The following ANK1 variants were observed in gnomAD, a reference collection of about 807,000 sequenced individuals.
The protein encoded by ANK1 is ankyrin 1.
Under a neutral mutation model 210.4 loss-of-function variants are expected in ANK1, and 51 were observed. That is an observed-to-expected ratio of 0.24 (90% CI 0.19 to 0.31). ANK1 has a LOEUF of 0.31. Among genes scored for constraint, ANK1 ranks in the 10% least tolerant of loss-of-function variants. The probability of loss-of-function intolerance (pLI) is 1.00; values close to 1 mark genes in which losing one functional copy is unlikely to be tolerated. For synonymous variants in ANK1, 967 were observed against 1,025.9 expected, an observed-to-expected ratio of 0.94 and a Z score of 1.10; for missense variants, 2,051 against 2,504.4, an observed-to-expected ratio of 0.82 and a Z score of 3.86.
At chr8:41,773,294 A>G (rs1340330048) in intron 1 of ANK1, among the ~76,000 whole-genome samples, 1 of 152,084 alleles carries the variant, frequency 6.6e-6, no homozygotes, top group African/African-American at 2.4e-5. Context: ...AATCTCCATC[A>G]TGTTCTTTTT....
chr8:41,779,657 C>T (rs1366792595), intron 1 of ANK1, among the ~76,000 whole-genome samples: 1 of 152,190 alleles, frequency 6.6e-6, no homozygotes, highest in Non-Finnish European at 1.5e-5. Context: ...GTGCTGGGCA[C>T]TGCTCTAAGC....
chr8:41,724,356 A>C (rs1282280412), intron 7 of ANK1, 100 bp downstream of exon 7: 4 of 1,044,756 alleles, frequency 3.8e-6, no homozygotes, highest in South Asian at 1.4e-5. Context: ...TTTAACCCAC[A>C]GGCACTTCTG....
intron 1 of ANK1, among the ~76,000 whole-genome samples, chr8:41,807,888 G>A (rs1851196111): frequency 6.7e-6 from 1 of 149,098 alleles, no homozygotes; most frequent in Admixed American, 6.7e-5. Context: ...AAGAGGAGGA[G>A]GAGAGGAGAA....
intron 1 of ANK1, among the ~76,000 whole-genome samples, chr8:41,805,153 CTCTTTCTCTCTCTCTCTTTCTTTCTT>C (rs1850750356): frequency 6.8e-6 from 1 of 147,406 alleles, no homozygotes; most frequent in South Asian, 2.1e-4. Flanking sequence ...TCTCATAGAG[CTCTTTCTCTCTCTCTCTTTCTTTCTT>C]TCTTTCTCTC....
intron 38 of ANK1, among the ~76,000 whole-genome samples, chr8:41,672,081 G>A (rs544606390): frequency 2.1e-4 from 32 of 151,816 alleles, no homozygotes; most frequent in Non-Finnish European, 3.8e-4. Flanking sequence ...GAGCCCTCCC[G>A]GCGCCCATAT....
chr8:41,664,329 C>T (rs1809623056), intron 39 of ANK1: 1 of 369,882 alleles, frequency 2.7e-6, no homozygotes, highest in Non-Finnish European at 5.3e-6. Flanking sequence ...TTAAAATAGC[C>T]AGGCATGGTG....
At chr8:41,816,493 C>T (rs944776599) in intron 1 of ANK1, among the ~76,000 whole-genome samples, 3 of 152,134 alleles carry the variant, frequency 2.0e-5, no homozygotes, top group African/African-American at 7.2e-5. Flanking sequence ...GGCTGGAGTG[C>T]AGTGGTGCAA....
intron 38 of ANK1, among the ~76,000 whole-genome samples, chr8:41,669,632 C>A (rs1339484378): frequency 6.6e-6 from 1 of 152,130 alleles, no homozygotes; most frequent in Admixed American, 6.5e-5. Flanking sequence ...GTGGGCAGGT[C>A]GAGGACACCA....
At chr8:41,785,949 G>A (rs774796501) in intron 1 of ANK1, among the ~76,000 whole-genome samples, 1 of 152,144 alleles carries the variant, frequency 6.6e-6, no homozygotes, top group Non-Finnish European at 1.5e-5. Flanking sequence ...GGTACTCTCC[G>A]CCTGGGAACC....
upstream of ANK1, among the ~76,000 whole-genome samples, chr8:41,799,294 C>T (rs112792439): frequency 2.0e-5 from 3 of 152,326 alleles, no homozygotes; most frequent in African/African-American, 7.2e-5. Flanking sequence ...CTTGGCAACA[C>T]ATACTGGGCC....
At chr8:41,671,075 A>G (rs1812099049) in intron 38 of ANK1, among the ~76,000 whole-genome samples, 1 of 152,212 alleles carries the variant, frequency 6.6e-6, no homozygotes, top group Admixed American at 6.5e-5. Context: ...GAGAGCTCCA[A>G]GGTGAGCCGG....
chr8:41,672,466 C>T lies in ANK1; in HGVS notation c.4984G>A (p.Ala1662Thr). The change falls in exon 38 of 43, where the codon GCA becomes ACA. Residue 1662 changes from alanine to threonine, a missense_variant. Around this residue, in one of 6 missense-constraint regions of ANK1, gnomAD observed 496 missense variants for 533.4 expected, o/e 0.93. Coordinates refer to ENST00000289734, the MANE Select transcript of ANK1 (RefSeq NM_000037.4). ...ACTTCATTCTCTGAGTCCTGCCCTG[C>T]ACCTGTCGCGTCATCCTGCCTCTTA... ...GSKRQDDATG[A>T]GQDSENEVSL... 1 of 1,614,236 alleles carries T rather than the reference C, an allele frequency of 6.2e-7. No homozygotes were observed. Among genetic ancestry groups the T allele is most frequent in the Non-Finnish European group, 8.5e-7 (1 of 1,180,040 alleles).
Position 41,694,868 on chromosome 8 carries a change from C to A in ANK1, c.3116-65G>T. ...GGCACAGGTTCAGGACTTCCAGGGGCCCCAGAGTCTCCTTGTCCCCAAGAC... is the reference window on the plus strand; with the variant it reads ...GGCACAGGTTCAGGACTTCCAGGGGACCCAGAGTCTCCTTGTCCCCAAGAC... On this transcript the variant is annotated intron_variant, in intron 27 of 42. Transcript: ENST00000289734. This position sits in a 1 kb window ranked among gnomAD's most constrained non-coding sequence, Gnocchi z 5.7. 6.5e-7 allele frequency: 1 copy of A among 1,529,678 alleles called. No individual in the cohort carries two copies. Among genetic ancestry groups the A allele is most frequent in the South Asian group, 1.1e-5 (1 of 88,052 alleles). 94.8% of individuals were successfully genotyped at this position (1,529,678 alleles called of 1,614,324 possible).
chr8:41,869,083 C>A (rs1223025928), intron 1 of ANK1, among the ~76,000 whole-genome samples: 1 of 152,188 alleles, frequency 6.6e-6, no homozygotes, highest in African/African-American at 2.4e-5. Flanking sequence ...AAACAATGGT[C>A]TTCTTCTCTA....
intron 1 of ANK1, among the ~76,000 whole-genome samples, chr8:41,879,588 G>T (rs1031264066): frequency 1.3e-5 from 2 of 152,156 alleles, no homozygotes; most frequent in African/African-American, 4.8e-5. Flanking sequence ...TTTTACCCAG[G>T]CACGCACCAG....
chr8:41,829,785 A>C lies in ANK1; in HGVS notation c.126+66570T>G, dbSNP rs1196100908. On this transcript the variant is annotated intron_variant, in intron 1 of 42. Transcript: ENST00000265709. ...CCCCGTCTCTACTAAAAATACAAAA[A>C]ATTAGCCGGGCGTGGTGGCGGGCGC... 3 of 151,752 alleles carry C rather than the reference A, an allele frequency of 2.0e-5. No individual in the cohort carries two copies. The East Asian group carries it at 5.8e-4, about 29-fold the overall frequency. The allele number at this position is 151,752 out of a possible 1,614,324, so 9.4% of individuals were successfully genotyped here.
intron 1 of ANK1, among the ~76,000 whole-genome samples, chr8:41,773,641 C>A (rs550698921): frequency 7.9e-5 from 12 of 152,280 alleles, no homozygotes; most frequent in Admixed American, 3.9e-4. Flanking sequence ...CCCTCTACCC[C>A]CAGTGTGAAA....
intron 1 of ANK1, among the ~76,000 whole-genome samples, chr8:41,860,261 G>A (rs1314604735): frequency 6.6e-6 from 1 of 152,178 alleles, no homozygotes; most frequent in Non-Finnish European, 1.5e-5. Flanking sequence ...ACGCTGGACA[G>A]TCCTGCTTGG....
chr8:41,895,943 C>T (rs1361144289), intron 1 of ANK1, among the ~76,000 whole-genome samples: 1 of 151,910 alleles, frequency 6.6e-6, no homozygotes, highest in African/African-American at 2.4e-5. Context: ...GCCGCGTTTA[C>T]CCAAACCAGC....
Sources: allele counts gnomAD v4.1 joint callset (sites outside exome capture counted in the v4.1 genomes callset), GRCh38; gene constraint gnomAD v4.1.1; regional missense constraint gnomAD v4.1.1; non-coding constraint Gnocchi (gnomAD v3.1); transcripts MANE v1.5; gene names NCBI Gene and HGNC (gene_info 2026-07-23, HGNC 2026-07-21).